BACE2: variants seen among roughly 807,000 people sequenced by gnomAD.
The protein encoded by BACE2 is 56 kDa aspartic-like protease.
A neutral mutation model predicts 46.2 loss-of-function variants in BACE2; 17 were observed. The ratio of observed to expected loss-of-function variants is 0.37; its 90% CI spans 0.25 to 0.55. The LOEUF (loss-of-function observed/expected upper bound fraction) is 0.55, where lower values mean the gene tolerates loss of function less well. BACE2 is among the 20% of genes least tolerant of loss of function. BACE2 has a pLI of 0.82. For synonymous variants in BACE2, 277 were observed against 295.9 expected, an observed-to-expected ratio of 0.94 and a Z score of 0.66; for missense variants, 595 against 698.1, an observed-to-expected ratio of 0.85 and a Z score of 1.66.
In BACE2 at chr21:41,275,933, C is replaced by T; in HGVS notation, c.*309C>T. ...GTCTACATGTGCCACCAACATAAAACAAAACCAAGCCTTGGCTCGTTCTCT... is the reference window on the plus strand; with the variant it reads ...GTCTACATGTGCCACCAACATAAAATAAAACCAAGCCTTGGCTCGTTCTCT... On this transcript the variant is annotated 3_prime_UTR_variant, in exon 9 of 9. Coordinates refer to ENST00000330333, the MANE Select transcript of BACE2 (RefSeq NM_012105.5). 3.0e-6 allele frequency: 1 copy of T among 330,556 alleles called. No individual in the cohort carries two copies. Among genetic ancestry groups the T allele is most frequent in the South Asian group, 5.4e-5 (1 of 18,564 alleles). The allele number at this position is 330,556 out of a possible 1,614,324, so 20.5% of individuals were successfully genotyped here.
intron 1 of BACE2, chr21:41,177,787 T>C (rs1227153884): frequency 6.6e-6 from 1 of 152,188 alleles, no homozygotes; most frequent in African/African-American, 2.4e-5. Context: ...ACCCAAGAAC[T>C]AGATGCCCAA....
chr21:41,197,531 T>TC (rs1240887320), intron 1 of BACE2, among the ~76,000 whole-genome samples: 1 of 152,176 alleles, frequency 6.6e-6, no homozygotes, highest in Non-Finnish European at 1.5e-5. Flanking sequence ...CATGTTTACA[T>TC]CATTAGTTGA....
intron 1 of BACE2, among the ~76,000 whole-genome samples, chr21:41,201,264 C>T (rs1985957913): frequency 6.6e-6 from 1 of 152,210 alleles, no homozygotes; most frequent in Admixed American, 6.5e-5. Flanking sequence ...TCCCAGCAGC[C>T]CCGCAGCTCT....
chr21:41,213,163 G>A (rs1054070313), intron 1 of BACE2, among the ~76,000 whole-genome samples: 1 of 152,170 alleles, frequency 6.6e-6, no homozygotes, highest in Non-Finnish European at 1.5e-5. Context: ...CTAAGAAGAA[G>A]AGCTTTGTCC....
chr21:41,222,002 C>T (rs180942325), intron 1 of BACE2, among the ~76,000 whole-genome samples: 1 of 152,238 alleles, frequency 6.6e-6, no homozygotes, highest in Non-Finnish European at 1.5e-5. Context: ...CATGATTGCG[C>T]ACGGGGCCCA....
Position 41,246,013 on chromosome 21 carries a change from C to T in BACE2, c.934C>T (p.Pro312Ser). 1.2e-6 allele frequency: 2 copies of T among 1,611,316 alleles called. No homozygotes were observed. Among genetic ancestry groups the T allele is most frequent in the Non-Finnish European group, 1.7e-6 (2 of 1,178,886 alleles). ...CAGTGGCACCACGCTGCTGCGCCTG[C>T]CCCAGAAGGTGTTTGATGCGGTGGT... ...VDSGTTLLRL[P>S]QKVFDAVVEA... The change falls in exon 6 of 9, where the codon CCC becomes TCC. Residue 312 changes from proline to serine, a missense_variant. Physicochemically the swap from Pro to Ser is moderately conservative, Grantham distance 74. Coordinates refer to ENST00000330333, the MANE Select transcript of BACE2 (RefSeq NM_012105.5).
intron 3 of BACE2, among the ~76,000 whole-genome samples, chr21:41,239,811 A>G (rs985562905): frequency 3.9e-5 from 6 of 152,214 alleles, no homozygotes; most frequent in Non-Finnish European, 8.8e-5. Context: ...TATCATAGAT[A>G]ATTGCAGACG....
chr21:41,216,130 G>C (rs1986459828), intron 1 of BACE2, among the ~76,000 whole-genome samples: 1 of 152,128 alleles, frequency 6.6e-6, no homozygotes, highest in Non-Finnish European at 1.5e-5. Flanking sequence ...CTCTGTGGTT[G>C]AGGCTACTTG....
At chr21:41,249,934 G>A (rs1232092743) in intron 6 of BACE2, among the ~76,000 whole-genome samples, 1 of 152,218 alleles carries the variant, frequency 6.6e-6, no homozygotes, top group African/African-American at 2.4e-5. Context: ...ACTGGTGGAT[G>A]TCCTGTGTTG....
intron 1 of BACE2, among the ~76,000 whole-genome samples, chr21:41,174,409 A>G (rs953215997): frequency 5.3e-5 from 8 of 151,792 alleles, no homozygotes; most frequent in East Asian, 1.9e-4. Flanking sequence ...CCAAAGTGCT[A>G]GGATTACAGG....
chr21:41,215,506 G>A (rs1048033595), intron 1 of BACE2, among the ~76,000 whole-genome samples: 4 of 152,238 alleles, frequency 2.6e-5, no homozygotes. Context: ...CCTCGAGGCC[G>A]CTGATGTTGG....
At chr21:41,180,823 A>G (rs554519805) in intron 1 of BACE2, 1 of 167,244 alleles carries the variant, frequency 6.0e-6, no homozygotes, top group South Asian at 2.1e-4. Flanking sequence ...GGTTTTATTA[A>G]TAACTGCACA....
At chr21:41,254,477 G>T (rs1223717806) in intron 7 of BACE2, among the ~76,000 whole-genome samples, 2 of 152,136 alleles carry the variant, frequency 1.3e-5, no homozygotes, top group Non-Finnish European at 2.9e-5. Context: ...TCCTGTCTCT[G>T]CCCTTTAAGG....
chr21:41,266,309 A>G (rs927065088), intron 8 of BACE2, among the ~76,000 whole-genome samples: 6 of 152,100 alleles, frequency 3.9e-5, no homozygotes, highest in Admixed American at 6.5e-5. Flanking sequence ...TGGGGAGTTC[A>G]TCTTGTTTTT....
chr21:41,227,717 C>G (rs2123577076), intron 2 of BACE2, among the ~76,000 whole-genome samples: 1 of 152,302 alleles, frequency 6.6e-6, no homozygotes, highest in African/African-American at 2.4e-5. Context: ...TGTTGGTAAG[C>G]TTTCTTCATT....
Position 41,250,917 on chromosome 21 carries a change from T to C in BACE2, c.1134+16T>C, listed in dbSNP as rs756890313. On this transcript the variant is annotated intron_variant, in intron 7 of 8. Transcript: ENST00000330333. ...CCTGCCTCAGGTATGAACTTGGATT[T>C]GTGCTTTGCTCTTTTTATCATGCAA... 2 of 1,612,962 alleles carry C rather than the reference T, an allele frequency of 1.2e-6. No homozygotes were observed. The highest frequency in any genetic ancestry group is 1.7e-6 in the Non-Finnish European group (2 of 1,179,424).
At chr21:41,217,166 T>C (rs1404803871) in intron 1 of BACE2, among the ~76,000 whole-genome samples, 1 of 152,198 alleles carries the variant, frequency 6.6e-6, no homozygotes, top group African/African-American at 2.4e-5. Flanking sequence ...TCTGACCTCG[T>C]GATCTGCCCG....
At chr21:41,191,226 T>G (rs1215433475) in intron 1 of BACE2, among the ~76,000 whole-genome samples, 1 of 152,192 alleles carries the variant, frequency 6.6e-6, no homozygotes, top group African/African-American at 2.4e-5. Flanking sequence ...GTTGGCATTG[T>G]AATTGTGACT....
At chr21:41,226,157 A>C in intron 1 of BACE2, 109 bp from the exon 2 acceptor site, 1 of 819,082 alleles carries the variant, frequency 1.2e-6, no homozygotes, top group Middle Eastern at 2.5e-4. Flanking sequence ...TTTTGTTCCA[A>C]CTGATAAATT....
Sources: allele counts gnomAD v4.1 joint callset (sites outside exome capture counted in the v4.1 genomes callset), GRCh38; gene constraint gnomAD v4.1.1; transcripts MANE v1.5; gene names NCBI Gene and HGNC (gene_info 2026-07-23, HGNC 2026-07-21).